BEST3: variants seen among roughly 807,000 people sequenced by gnomAD.
BEST3 encodes the protein bestrophin 3.
Under a neutral mutation model 47.1 loss-of-function variants are expected in BEST3, and 50 were observed. The observed-to-expected ratio is 1.06, with a 90% CI of 0.85 to 1.34. The LOEUF is 1.34. BEST3 is among the 40% of genes most tolerant of loss of function. The pLI is 0.00. For missense variants in BEST3, 765 were observed against 817.0 expected (o/e 0.94, Z 0.78); for synonymous variants, 282 against 298.8 (o/e 0.94, Z 0.58).
intron 4 of BEST3, among the ~76,000 whole-genome samples, chr12:69,684,981 GTTCTATTCTA>G (rs59611126): frequency 0.017 from 2,455 of 142,192 alleles, 29 homozygotes; most frequent in African/African-American, 0.029. Flanking sequence ...GCTTTCTGCT[GTTCTATTCTA>G]TTCTATTCTA....
Position 69,655,264 on chromosome 12 carries a change from C to T in BEST3, c.1650G>A (p.Leu550=). Reference sequence around the variant, plus strand: ...GAGGTGTCTCCTTCTCTGAGGGAGACAGGATGGATCCCATGGGGCCCTGCT... The same window carrying T: ...GAGGTGTCTCCTTCTCTGAGGGAGATAGGATGGATCCCATGGGGCCCTGCT... ...EQQQGPMGSI[L]SPSEKETPPG... is the part of the protein sequence containing the mutation. Residue 550 remains leucine (L), a synonymous_variant, in exon 10 of 10, where the codon CTG becomes CTA. Coordinates refer to ENST00000330891, the MANE Select transcript of BEST3 (RefSeq NM_032735.3). The T allele has an allele frequency of 6.2e-7, 1 of 1,614,128 alleles. No individual in the cohort carries two copies. The highest frequency in any genetic ancestry group is 8.5e-7 in the Non-Finnish European group (1 of 1,180,016).
chr12:69,667,085 A>C (rs773182395), intron 9 of BEST3, among the ~76,000 whole-genome samples: 1 of 152,196 alleles, frequency 6.6e-6, no homozygotes, highest in Non-Finnish European at 1.5e-5. Context: ...ATAATGGCTG[A>C]AACCCTTACC....
At chr12:69,679,057 ATG>A (rs759528650) in intron 4 of BEST3, among the ~76,000 whole-genome samples, 164 bp from the exon 5 acceptor site, 1 of 152,146 alleles carries the variant, frequency 6.6e-6, no homozygotes, top group African/African-American at 2.4e-5. Context: ...GAGTTAAGGA[ATG>A]TGTGTGTGTG....
chr12:69,645,645 T>C (rs961353489), intron 9 of BEST3, among the ~76,000 whole-genome samples: 2 of 152,216 alleles, frequency 1.3e-5, no homozygotes, highest in African/African-American at 4.8e-5. Context: ...AAATCCCAGA[T>C]TGAAATTTTA....
chr12:69,672,278 A>G lies in BEST3; in HGVS notation c.948+607T>C, dbSNP rs115915826. On this transcript the variant is annotated intron_variant, in intron 8 of 9. Coordinates refer to ENST00000330891, the MANE Select transcript of BEST3 (RefSeq NM_032735.3). ...GGGCTTGAAACAAATGAAAAATGTGAAGGCCTTCACAGGGAAGAGAATGGT... is the reference window on the plus strand; with the variant it reads ...GGGCTTGAAACAAATGAAAAATGTGGAGGCCTTCACAGGGAAGAGAATGGT... 4.3e-3 allele frequency among the ~76,000 whole-genome samples: 657 copies of G among 152,352 alleles called. 3 individuals are homozygous for G. Among genetic ancestry groups the G allele is most frequent in the African/African-American group, 0.015 (624 of 41,580 alleles).
chr12:69,674,138 GA>G (rs1413554727), intron 7 of BEST3, among the ~76,000 whole-genome samples: 9 of 152,052 alleles, frequency 5.9e-5, no homozygotes, highest in Admixed American at 1.3e-4. Flanking sequence ...AGTCTAGATG[GA>G]AAAAAATTTT....
chr12:69,673,671 T>C (rs1565831819), intron 7 of BEST3, among the ~76,000 whole-genome samples: 2 of 152,136 alleles, frequency 1.3e-5, no homozygotes, highest in Admixed American at 6.5e-5. Context: ...CTTGAACCCC[T>C]GAGCTCAGGT....
At chr12:69,674,522 T>C (rs754504487) in intron 7 of BEST3, among the ~76,000 whole-genome samples, 50 of 152,188 alleles carry the variant, frequency 3.3e-4, no homozygotes, top group Non-Finnish European at 6.5e-4. Flanking sequence ...TTGAAGTTCT[T>C]GTCACTAGTT....
Position 69,655,514 on chromosome 12 carries a change from C to T in BEST3, c.1400G>A (p.Gly467Glu), listed in dbSNP as rs757108999. ...GGTCTCCCTGATGGTGGACAGCTCT[C>T]CCATGCTGAAGTGCAGCGTGGGGCT... Reference protein sequence around the residue: ...EGSPTLHFSMGELSTIRETSQ... With the variant: ...EGSPTLHFSMEELSTIRETSQ... The change falls in exon 10 of 10, where the codon GGA becomes GAA. Residue 467 changes from glycine (G) to glutamate (E), a missense_variant. By Grantham distance (98) the Gly-to-Glu change is moderately conservative. Coordinates refer to ENST00000330891, the MANE Select transcript of BEST3 (RefSeq NM_032735.3). 6.2e-7 allele frequency: 1 copy of T among 1,614,098 alleles called. No homozygotes were observed. The highest frequency in any genetic ancestry group is 8.5e-7 in the Non-Finnish European group (1 of 1,180,000).
intron 9 of BEST3, among the ~76,000 whole-genome samples, chr12:69,662,741 T>C (rs1883945632): frequency 6.6e-6 from 1 of 152,212 alleles, no homozygotes; most frequent in African/African-American, 2.4e-5. Context: ...ATTGGCTTCA[T>C]AGACCCCCTT....
chr12:69,655,051 T>G lies in BEST3; in HGVS notation c.1863A>C (p.Thr621=). The stretch of plus-strand genomic sequence containing the variant: ...TCCCACTGATCTCTGAGGATGTTTC[T>G]GTGTCAATTAAAAGAGCTGGCTGAG... ...MSSQPALLID[T]ETSSEISGIN... The change falls in exon 10 of 10, where the codon ACA becomes ACC. Residue 621 remains threonine, a synonymous_variant. Transcript: ENST00000330891. The G allele has an allele frequency of 6.2e-7, 1 of 1,614,182 alleles. No individual in the cohort carries two copies. The highest frequency in any genetic ancestry group is 8.5e-7 in the Non-Finnish European group (1 of 1,180,018).
At position 69,654,039 on chromosome 12, in the gene BEST3, G is replaced by A. The variant is rs563146475; in HGVS notation, c.*868C>T. On this transcript the variant is annotated 3_prime_UTR_variant, in exon 10 of 10. Coordinates refer to ENST00000330891, the MANE Select transcript of BEST3 (RefSeq NM_032735.3). ...GAAATGTCAATGGCTGCAAGGGCACGGGGGGAACCATCACTCCTATATGCC... is the reference window on the plus strand; with the variant it reads ...GAAATGTCAATGGCTGCAAGGGCACAGGGGGAACCATCACTCCTATATGCC... 84 of 985,284 alleles carry A rather than the reference G, an allele frequency of 8.5e-5. 1 individual carries two copies. In the South Asian group the frequency reaches 9.4e-4, roughly 11 times the overall value. The allele number at this position is 985,284 out of a possible 1,614,324, so 61.0% of individuals were successfully genotyped here.
chr12:69,697,107 TA>T (rs1168585806), intron 2 of BEST3, among the ~76,000 whole-genome samples: 1 of 152,034 alleles, frequency 6.6e-6, no homozygotes, highest in Non-Finnish European at 1.5e-5. Context: ...GGAAAGAAAA[TA>T]AATTATTCTA....
At chr12:69,691,859 T>G (rs1325499943) in intron 4 of BEST3, among the ~76,000 whole-genome samples, 4 of 152,168 alleles carry the variant, frequency 2.6e-5, no homozygotes, top group Non-Finnish European at 5.9e-5. Context: ...GTTTTATAGT[T>G]GCTGAAATGA....
intron 4 of BEST3, among the ~76,000 whole-genome samples, chr12:69,688,725 C>G (rs1342629459): frequency 2.6e-5 from 4 of 152,046 alleles, no homozygotes; most frequent in African/African-American, 9.7e-5. Flanking sequence ...AGGCAAAAAC[C>G]CTTGCAGAAG....
At chr12:69,649,994 C>T (rs1883158800), downstream of BEST3, among the ~76,000 whole-genome samples, 1 of 152,156 alleles carries the variant, frequency 6.6e-6, no homozygotes, top group African/African-American at 2.4e-5. Context: ...CTACCTGTGG[C>T]AAAAGGAAGG....
chr12:69,661,986 TG>T (rs1448156378), intron 9 of BEST3, among the ~76,000 whole-genome samples: 1 of 152,124 alleles, frequency 6.6e-6, no homozygotes. Context: ...TGGCCAAAAG[TG>T]GGGGTTCACT....
intron 4 of BEST3, among the ~76,000 whole-genome samples, chr12:69,691,310 A>G (rs1885914759): frequency 6.6e-6 from 1 of 152,242 alleles, no homozygotes; most frequent in Admixed American, 6.5e-5. Flanking sequence ...AAGTTACTTT[A>G]AGTCCATTTT....
intron 4 of BEST3, 31 bp downstream of exon 4, chr12:69,693,643 A>G: frequency 1.3e-6 from 2 of 1,483,296 alleles, no homozygotes; most frequent in Non-Finnish European, 1.9e-6. Context: ...AGCTGAGAAG[A>G]GCCCATGGAA....
Sources: allele counts gnomAD v4.1 joint callset (sites outside exome capture counted in the v4.1 genomes callset), GRCh38; gene constraint gnomAD v4.1.1; transcripts MANE v1.5; gene names NCBI Gene and HGNC (gene_info 2026-07-23, HGNC 2026-07-21).